The following CCSER1 variants were observed in gnomAD, a reference collection of about 807,000 sequenced individuals.
CCSER1 encodes the protein serine-rich coiled-coil domain-containing protein 1.
A neutral mutation model predicts 82.0 loss-of-function variants in CCSER1; 41 were observed. That is an observed-to-expected ratio of 0.50 (90% CI 0.39 to 0.65). The LOEUF (loss-of-function observed/expected upper bound fraction) is 0.65, where lower values mean the gene tolerates loss of function less well. CCSER1 is among the 30% of genes least tolerant of loss of function. The probability of loss-of-function intolerance (pLI) is 0.00; values close to 1 mark genes in which losing one functional copy is unlikely to be tolerated. For synonymous variants in CCSER1, 414 were observed against 383.9 expected, an observed-to-expected ratio of 1.08 and a Z score of -0.92; for missense variants, 1,119 against 1,064.2, an observed-to-expected ratio of 1.05 and a Z score of -0.72.
intron 10 of CCSER1, among the ~76,000 whole-genome samples, chr4:91,328,874 C>T (rs1391511824): frequency 6.6e-6 from 1 of 152,038 alleles, no homozygotes; most frequent in African/African-American, 2.4e-5. Flanking sequence ...GTAGCAGTTT[C>T]CCCCCTACTG....
chr4:91,047,877 T>G (rs1318327945), intron 9 of CCSER1, among the ~76,000 whole-genome samples: 1 of 152,180 alleles, frequency 6.6e-6, no homozygotes, highest in Non-Finnish European at 1.5e-5. Context: ...CTTAAAGTAA[T>G]GTATGATTTT....
At chr4:90,434,205 T>A (rs566780235) in intron 4 of CCSER1, among the ~76,000 whole-genome samples, 14 of 152,156 alleles carry the variant, frequency 9.2e-5, no homozygotes, top group Non-Finnish European at 1.8e-4. Context: ...TTTCTCTTCA[T>A]ATCCATTTTT....
intron 1 of CCSER1, among the ~76,000 whole-genome samples, chr4:90,288,090 A>G (rs1335493353): frequency 2.0e-5 from 3 of 151,960 alleles, no homozygotes; most frequent in Non-Finnish European, 4.4e-5. Flanking sequence ...GTACCATGCT[A>G]TTTAAGCGAG....
At chr4:91,505,351 G>A (rs1759430593) in intron 10 of CCSER1, among the ~76,000 whole-genome samples, 1 of 152,084 alleles carries the variant, frequency 6.6e-6, no homozygotes. Flanking sequence ...CTATTGATGG[G>A]CATTTAGGTT....
rs114409047 is a variant in CCSER1 at position 91,182,890 on chromosome 4, A to G, written c.2217+96896A>G. Among the ~76,000 whole-genome samples, 742 of 152,362 alleles carry G rather than the reference A, an allele frequency of 4.9e-3. 6 individuals are homozygous for G. Among genetic ancestry groups the G allele is most frequent in the African/African-American group, 0.017 (699 of 41,588 alleles). The stretch of plus-strand genomic sequence containing the variant: ...TAACTCCTCCTGTAAAAGATGAGGC[A>G]TGTACCATTTGGTAAGTTGGGCATC... On this transcript the variant is annotated intron_variant, in intron 10 of 10. Transcript: ENST00000509176.
chr4:90,146,078 G>GA (rs1296886368), intron 1 of CCSER1, among the ~76,000 whole-genome samples: 1 of 151,984 alleles, frequency 6.6e-6, no homozygotes, highest in Non-Finnish European at 1.5e-5. Flanking sequence ...CTTTAAGTGG[G>GA]AAAAATGTTT....
chr4:91,216,347 T>A (rs1737237823), intron 10 of CCSER1, among the ~76,000 whole-genome samples: 1 of 152,074 alleles, frequency 6.6e-6, no homozygotes, highest in South Asian at 2.1e-4. Context: ...TGAGACAGAG[T>A]CTCGCTCTGT....
At chr4:90,497,949 CTTT>C (rs398063795) in intron 5 of CCSER1, among the ~76,000 whole-genome samples, 5 of 141,468 alleles carry the variant, frequency 3.5e-5, no homozygotes, top group Admixed American at 7.1e-5. Context: ...TGAACAGTCT[CTTT>C]TTTTTTTTTT....
intron 4 of CCSER1, among the ~76,000 whole-genome samples, chr4:90,420,807 C>T (rs759264363): frequency 2.0e-5 from 3 of 152,012 alleles, no homozygotes; most frequent in Non-Finnish European, 2.9e-5. Flanking sequence ...CACAAAAGGG[C>T]AGTCAATGGC....
At chr4:90,781,350 T>A in intron 7 of CCSER1, 1 of 985,410 alleles carries the variant, frequency 1.0e-6, no homozygotes, top group Non-Finnish European at 1.2e-6. Context: ...CAAACCTCTT[T>A]TGTACTGTAT....
At chr4:90,698,605 C>T (rs985199098) in intron 6 of CCSER1, among the ~76,000 whole-genome samples, 3 of 152,150 alleles carry the variant, frequency 2.0e-5, no homozygotes, top group Non-Finnish European at 2.9e-5. Context: ...AATGATCCAA[C>T]TATGGTCAAT....
chr4:90,446,678 G>A (rs1318788699), intron 4 of CCSER1, among the ~76,000 whole-genome samples: 1 of 152,106 alleles, frequency 6.6e-6, no homozygotes, highest in Non-Finnish European at 1.5e-5. Context: ...GTTGACCCTT[G>A]AACAACATGG....
intron 7 of CCSER1, among the ~76,000 whole-genome samples, chr4:90,755,531 C>T (rs765702963): frequency 6.6e-6 from 1 of 152,124 alleles, no homozygotes; most frequent in Non-Finnish European, 1.5e-5. Flanking sequence ...GCTGAAGAAG[C>T]CTTGTCTCTT....
chr4:91,271,780 G>A (rs1742049694), intron 10 of CCSER1, among the ~76,000 whole-genome samples: 1 of 151,974 alleles, frequency 6.6e-6, no homozygotes, highest in Non-Finnish European at 1.5e-5. Context: ...TTGAGACGGA[G>A]TTTCGCTCTT....
At position 91,362,721 on chromosome 4, in the gene CCSER1, C is replaced by CT. The variant is rs1315850649; in HGVS notation, c.2218-235844dup. Among the ~76,000 whole-genome samples the CT allele has an allele frequency of 4.0e-5, 6 of 151,620 alleles. 1 individual carries two copies. The Admixed American group carries it at 4.0e-4, about 10-fold the overall frequency. On this transcript the variant is annotated intron_variant, in intron 10 of 10. Coordinates refer to ENST00000509176, the MANE Select transcript of CCSER1 (RefSeq NM_001145065.2). The stretch of plus-strand genomic sequence containing the variant: ...TGAATACATTTTCCTCATCTTCCTC[C>CT]TTTTTTTGTTTTTTCTAAGTAGGTA...
chr4:90,524,473 T>C (rs1432206244), intron 5 of CCSER1, among the ~76,000 whole-genome samples: 2 of 152,210 alleles, frequency 1.3e-5, no homozygotes, highest in African/African-American at 4.8e-5. Context: ...TTGTTGTTGT[T>C]GTTTGTTTGT....
intron 7 of CCSER1, among the ~76,000 whole-genome samples, chr4:90,802,652 C>T (rs1756988950): frequency 6.6e-6 from 1 of 152,054 alleles, no homozygotes; most frequent in Non-Finnish European, 1.5e-5. Context: ...GTTTTCTTAA[C>T]CTTGTTTTCA....
At chr4:90,509,454 C>G (rs568803034) in intron 5 of CCSER1, among the ~76,000 whole-genome samples, 1 of 152,206 alleles carries the variant, frequency 6.6e-6, no homozygotes, top group African/African-American at 2.4e-5. Context: ...AAGAATAAGA[C>G]AGTTATACTG....
intron 9 of CCSER1, among the ~76,000 whole-genome samples, chr4:91,060,516 G>A (rs2148734388): frequency 6.6e-6 from 1 of 152,040 alleles, no homozygotes; most frequent in African/African-American, 2.4e-5. Flanking sequence ...GTGTCCACTG[G>A]GAAATTCTCT....
Sources: gnomAD v4.1 joint callset for allele counts (sites outside exome capture counted in the v4.1 genomes callset) on GRCh38, gnomAD v4.1.1 for gene constraint, MANE v1.5 for transcripts, NCBI Gene and HGNC (gene_info 2026-07-23, HGNC 2026-07-21) for gene names.